AGTPBP1: variants seen among roughly 807,000 people sequenced by gnomAD.
AGTPBP1 encodes ATP/GTP binding carboxypeptidase 1, also known as cytosolic carboxypeptidase 1.
AGTPBP1 carries 70 observed loss-of-function variants against 143.9 expected under a neutral mutation model. The observed-to-expected ratio is 0.49, with a 90% CI of 0.40 to 0.59. AGTPBP1 has a LOEUF of 0.59. AGTPBP1 is among the 20% of genes least tolerant of loss of function. The probability of loss-of-function intolerance (pLI) is 0.00; values close to 1 mark genes in which losing one functional copy is unlikely to be tolerated. For synonymous variants in AGTPBP1, 463 were observed against 500.2 expected (o/e 0.93, Z 0.99); for missense variants, 1,229 against 1,464.5 (o/e 0.84, Z 2.62).
chr9:85,677,661 A>G (rs1238689020), intron 5 of AGTPBP1, 79 bp from the exon 6 acceptor site: 5 of 1,209,504 alleles, frequency 4.1e-6, no homozygotes, highest in African/African-American at 1.6e-5. Flanking sequence ...ATTAGGTATC[A>G]TAACTTGTTA....
intron 25 of AGTPBP1, among the ~76,000 whole-genome samples, chr9:85,561,625 T>C (rs1232276065): frequency 6.6e-6 from 1 of 151,474 alleles, no homozygotes; most frequent in South Asian, 2.1e-4. Flanking sequence ...ACCCAAAATG[T>C]AGGGAAAAAA....
chr9:85,633,571 C>T (rs1180723971), intron 13 of AGTPBP1, among the ~76,000 whole-genome samples, 197 bp from the exon 14 acceptor site: 3 of 152,088 alleles, frequency 2.0e-5, no homozygotes, highest in South Asian at 2.1e-4. Context: ...CTTTACTTTG[C>T]CTACATGTCA....
At chr9:85,753,258 T>C in the AGTPBP1 span, 4 of 1,605,402 alleles carry the variant, frequency 2.5e-6, no homozygotes, top group Non-Finnish European at 2.6e-6. Flanking sequence ...GTGTACTTAA[T>C]GGTCAGGTGT....
At chr9:85,695,992 C>A (rs1416644618) in intron 2 of AGTPBP1, among the ~76,000 whole-genome samples, 1 of 152,114 alleles carries the variant, frequency 6.6e-6, no homozygotes, top group East Asian at 1.9e-4. Context: ...CAGGCATGAG[C>A]CATTACACCC....
the AGTPBP1 span, among the ~76,000 whole-genome samples, chr9:85,774,620 C>T: frequency 1.5e-3 from 226 of 152,254 alleles, no homozygotes; most frequent in African/African-American, 4.8e-3. Flanking sequence ...TTTACCTAGG[C>T]ATATGGCCAG....
At chr9:85,741,962 T>A (rs1824344793), upstream of AGTPBP1, 1 of 1,254,568 alleles carries the variant, frequency 8.0e-7, no homozygotes, top group Non-Finnish European at 1.0e-6. Context: ...CCTGTCCGCA[T>A]CCCGGGCAAC....
At chr9:85,724,067 A>G (rs1838306961) in intron 1 of AGTPBP1, among the ~76,000 whole-genome samples, 1 of 152,130 alleles carries the variant, frequency 6.6e-6, no homozygotes, top group South Asian at 2.1e-4. Flanking sequence ...AAGGTGGATC[A>G]CTTGAGGTCA....
intron 1 of AGTPBP1, among the ~76,000 whole-genome samples, chr9:85,724,678 T>G (rs1411961540): frequency 6.6e-6 from 1 of 152,216 alleles, no homozygotes. Flanking sequence ...CACTACTTGA[T>G]TCTTTTTATT....
chr9:85,662,008 T>A (rs1833880051), intron 8 of AGTPBP1, among the ~76,000 whole-genome samples: 1 of 152,056 alleles, frequency 6.6e-6, no homozygotes, highest in African/African-American at 2.4e-5. Flanking sequence ...CTACATAATG[T>A]AATAAAAGAG....
the AGTPBP1 span, among the ~76,000 whole-genome samples, chr9:85,770,061 T>TTGTGTGTGTGTGTGTGTGTG: frequency 3.4e-5 from 5 of 148,282 alleles, no homozygotes; most frequent in African/African-American, 9.9e-5. Flanking sequence ...TGTTAATCTG[T>TTGTGTGTGTGTGTGTGTGTG]TGTGTGTGTG....
chr9:85,576,108 T>A (rs1250527751), intron 24 of AGTPBP1, among the ~76,000 whole-genome samples: 2 of 152,180 alleles, frequency 1.3e-5, no homozygotes, highest in Non-Finnish European at 2.9e-5. Context: ...CCTATCTTTT[T>A]TAAAAAATAG....
intron 9 of AGTPBP1, among the ~76,000 whole-genome samples, chr9:85,658,850 T>C (rs971197997): frequency 2.6e-5 from 4 of 152,168 alleles, no homozygotes; most frequent in Admixed American, 6.5e-5. Flanking sequence ...GTGTCTACAA[T>C]AGCTAGTGTG....
intron 18 of AGTPBP1, among the ~76,000 whole-genome samples, chr9:85,595,621 G>A (rs985600430): frequency 3.3e-5 from 5 of 152,142 alleles, no homozygotes; most frequent in African/African-American, 9.7e-5. Context: ...CCGCCTCCCG[G>A]GTTCAAGCGA....
intron 1 of AGTPBP1, among the ~76,000 whole-genome samples, chr9:85,717,544 G>A (rs1837787053): frequency 6.6e-6 from 1 of 152,096 alleles, no homozygotes; most frequent in South Asian, 2.1e-4. Flanking sequence ...TTTTGCTATG[G>A]TCTGAATGTT....
intron 25 of AGTPBP1, among the ~76,000 whole-genome samples, chr9:85,570,080 T>C (rs550524434): frequency 2.6e-5 from 4 of 152,214 alleles, no homozygotes; most frequent in Admixed American, 1.3e-4. Flanking sequence ...ACAAACCCCA[T>C]ATATCTGTTT....
intron 1 of AGTPBP1, among the ~76,000 whole-genome samples, chr9:85,740,816 T>C (rs1374302217): frequency 6.6e-6 from 1 of 152,224 alleles, no homozygotes; most frequent in Non-Finnish European, 1.5e-5. Flanking sequence ...AAAACCCACA[T>C]AGAATTAATA....
intron 1 of AGTPBP1, chr9:85,741,497 A>G: frequency 2.0e-6 from 2 of 985,234 alleles, no homozygotes; most frequent in Non-Finnish European, 2.4e-6. Context: ...TACCCTCCGC[A>G]AGGTCTGGGA....
At chr9:85,601,967 G>C (rs1312097343) in intron 17 of AGTPBP1, among the ~76,000 whole-genome samples, 2 of 151,944 alleles carry the variant, frequency 1.3e-5, no homozygotes, top group African/African-American at 4.8e-5. Flanking sequence ...GCCCTATCCA[G>C]CCAGTATCAT....
the AGTPBP1 span, among the ~76,000 whole-genome samples, chr9:85,801,528 T>C: frequency 7.2e-5 from 11 of 152,154 alleles, no homozygotes; most frequent in South Asian, 2.3e-3. Context: ...TGTATCTACT[T>C]GAAATACACA....
Sources: allele counts gnomAD v4.1 joint callset (sites outside exome capture counted in the v4.1 genomes callset), GRCh38; gene constraint gnomAD v4.1.1; transcripts MANE v1.5; gene names NCBI Gene and HGNC (gene_info 2026-07-23, HGNC 2026-07-21).